Variants in TNRC6C observed in about 807,000 individuals in gnomAD.
TNRC6C encodes trinucleotide repeat containing adaptor 6C.
TNRC6C carries 20 observed loss-of-function variants against 153.7 expected under a neutral mutation model. The ratio of observed to expected loss-of-function variants is 0.13; its 90% CI spans 0.09 to 0.19. The LOEUF is 0.19. Ranked by LOEUF, TNRC6C falls within the 10% of genes least tolerant of loss-of-function variation. The probability of loss-of-function intolerance (pLI) is 1.00; values close to 1 mark genes in which losing one functional copy is unlikely to be tolerated. For synonymous variants in TNRC6C, 811 were observed against 841.4 expected (o/e 0.96, Z 0.63); for missense variants, 1,987 against 2,172.0 (o/e 0.91, Z 1.69).
intron 16 of TNRC6C, 67 bp downstream of exon 19, chr17:78,097,928 GC>G: frequency 1.6e-6 from 2 of 1,281,308 alleles, no homozygotes; most frequent in Non-Finnish European, 2.1e-6. Flanking sequence ...ACTTTGACAG[GC>G]CCCAGCTTTT....
rs565235835 is a variant in TNRC6C at position 78,097,846 on chromosome 17, G to A, written c.4307-497G>A. 9.4e-5 allele frequency: 145 copies of A among 1,547,454 alleles called. 1 individual carries two copies. The South Asian group carries it at 1.2e-3, about 13-fold the overall frequency. On this transcript the variant is annotated intron_variant, in intron 16 of 19. Coordinates refer to ENST00000301624, the Ensembl canonical transcript of TNRC6C. ...TAGCTCTTTCAGCAGCATTGCATCC[G>A]CACCTAGTGTTGCAGGTACGCGCCT...
chr17:78,025,651 A>T (rs916961022), intron 1 of TNRC6C, among the ~76,000 whole-genome samples: 4 of 151,956 alleles, frequency 2.6e-5, no homozygotes, highest in Admixed American at 2.6e-4. Flanking sequence ...TTATCAGGAA[A>T]ATATATATAT....
At chr17:78,067,968 G>T in intron 5 of TNRC6C, 45 bp downstream of exon 7, 3 of 1,553,298 alleles carry the variant, frequency 1.9e-6, no homozygotes, top group Non-Finnish European at 2.6e-6. Flanking sequence ...AAAACCAAAG[G>T]TACTTCAGAC....
At chr17:77,989,371 A>G (rs2071217228) in intron 1 of TNRC6C, among the ~76,000 whole-genome samples, 1 of 152,224 alleles carries the variant, frequency 6.6e-6, no homozygotes, top group Admixed American at 6.5e-5. Context: ...TTTTACATGT[A>G]TAGAATTTTT....
intron 1 of TNRC6C, among the ~76,000 whole-genome samples, chr17:77,978,239 A>G (rs2071030070): frequency 6.6e-6 from 1 of 152,288 alleles, no homozygotes; most frequent in East Asian, 1.9e-4. Context: ...ATGCAACAGC[A>G]TATTAAAACA....
At chr17:77,990,405 C>T (rs948291919) in intron 1 of TNRC6C, among the ~76,000 whole-genome samples, 1 of 152,202 alleles carries the variant, frequency 6.6e-6, no homozygotes, top group Non-Finnish European at 1.5e-5. Flanking sequence ...TAACCTAAGT[C>T]TTCCCCACCA....
chr17:77,998,340 C>T (rs1313344289), intron 1 of TNRC6C, among the ~76,000 whole-genome samples: 1 of 152,156 alleles, frequency 6.6e-6, no homozygotes, highest in Non-Finnish European at 1.5e-5. Flanking sequence ...GTTTGGTATT[C>T]ACAGAGCTTT....
At position 78,104,861 on chromosome 17, in the gene TNRC6C, G is replaced by C; in HGVS notation, c.*16G>C. 2 of 1,412,482 alleles carry C rather than the reference G, an allele frequency of 1.4e-6. No individual in the cohort carries two copies. The highest frequency in any genetic ancestry group is 1.8e-6 in the Non-Finnish European group (2 of 1,087,566). The allele number at this position is 1,412,482 out of a possible 1,614,324, so 87.5% of individuals were successfully genotyped here. A position where few individuals can be genotyped will look rare whatever the true frequency, so the allele number is the denominator to read the frequency against. ...GTCCCTGTAGGCTCTGCCATCATCA[G>C]CACCAGGAGAGCCGACCCCTCCCGG... On this transcript the variant is annotated 3_prime_UTR_variant, in exon 20 of 20. Coordinates refer to ENST00000301624, the Ensembl canonical transcript of TNRC6C. This position sits in a 1 kb window ranked among gnomAD's most constrained non-coding sequence, Gnocchi z 6.2.
chr17:78,005,838 A>T (rs1364431142), intron 1 of TNRC6C, among the ~76,000 whole-genome samples: 2 of 152,186 alleles, frequency 1.3e-5, no homozygotes, highest in Non-Finnish European at 2.9e-5. Context: ...CAAAGACTTA[A>T]TACGATTATT....
intron 1 of TNRC6C, among the ~76,000 whole-genome samples, chr17:77,977,505 A>G (rs1004272938): frequency 1.9e-4 from 29 of 152,220 alleles, no homozygotes; most frequent in Non-Finnish European, 3.7e-4. Context: ...CAAAAAGACA[A>G]CTTTTTAGTT....
intron 1 of TNRC6C, among the ~76,000 whole-genome samples, chr17:78,010,961 G>T (rs576347668): frequency 2.0e-5 from 3 of 152,224 alleles, no homozygotes; most frequent in Non-Finnish European, 4.4e-5. Flanking sequence ...GAAGCGGGGC[G>T]CTGTGCTCCG....
rs116319099 is a variant in TNRC6C, at chr17:78,036,280, C to T, written c.-219+4438C>T. Among the ~76,000 whole-genome samples the T allele has an allele frequency of 3.9e-3, 596 of 152,242 alleles. 7 individuals carry two copies. The highest frequency in any genetic ancestry group is 0.014 in the African/African-American group (569 of 41,532). On this transcript the variant is annotated intron_variant, in intron 2 of 19. Transcript: ENST00000301624. ...CGAAAACTAAAGAAAGTGAAGTATT[C>T]GTGGAAGGAATTGACGGAGTTTGAG... is the stretch of plus-strand genomic sequence containing the variant.
chr17:78,054,457 T>C (rs67793638), intron 3 of TNRC6C, among the ~76,000 whole-genome samples: 23,099 of 149,174 alleles, frequency 0.15, 2,027 homozygotes, highest in African/African-American at 0.25. Flanking sequence ...GACTACTGTA[T>C]ACTACTGCAG....
chr17:78,004,683 G>A (rs1417875550), upstream of TNRC6C, among the ~76,000 whole-genome samples: 1 of 152,008 alleles, frequency 6.6e-6, no homozygotes, highest in African/African-American at 2.4e-5. Context: ...AAAAATAAAA[G>A]CCCTACTGTA....
chr17:78,036,574 AT>A (rs1165905024), intron 2 of TNRC6C, among the ~76,000 whole-genome samples: 1 of 152,186 alleles, frequency 6.6e-6, no homozygotes, highest in African/African-American at 2.4e-5. Context: ...GTAAGAATAG[AT>A]AAAATGTATA....
intron 1 of TNRC6C, among the ~76,000 whole-genome samples, chr17:77,985,227 G>T (rs1441195791): frequency 6.6e-6 from 1 of 152,072 alleles, no homozygotes; most frequent in Non-Finnish European, 1.5e-5. Context: ...TTGTTTCCTT[G>T]CTAGCTGTCA....
rs2073059849 is a variant in TNRC6C, at chr17:78,075,008, C to A, written c.2918-128C>A. ...CTAGCAAAGCAAGGGCTCTCTCTGCCCCTGGCTTCCCTGTGTTTGAAGGGG... is the reference window on the plus strand; with the variant it reads ...CTAGCAAAGCAAGGGCTCTCTCTGCACCTGGCTTCCCTGTGTTTGAAGGGG... On this transcript the variant is annotated intron_variant, in intron 7 of 19. Transcript: ENST00000301624. The surrounding 1 kb of genome is among the most constrained non-coding windows in gnomAD (Gnocchi z 4.2). The A allele has an allele frequency of 8.2e-7, 1 of 1,226,574 alleles. No homozygotes were observed. Among genetic ancestry groups the A allele is most frequent in the Non-Finnish European group, 1.1e-6 (1 of 889,674 alleles). 76.0% of individuals were successfully genotyped at this position (1,226,574 alleles called of 1,614,324 possible). A position where few individuals can be genotyped will look rare whatever the true frequency, so the allele number is the denominator to read the frequency against.
chr17:78,060,436 A>G (rs1598744643), intron 3 of TNRC6C, among the ~76,000 whole-genome samples: 1 of 151,094 alleles, frequency 6.6e-6, no homozygotes, highest in Non-Finnish European at 1.5e-5. Flanking sequence ...CACTCAATAA[A>G]TGCCTGATCG....
chr17:78,086,060 C>T (rs1385798589), intron 11 of TNRC6C, among the ~76,000 whole-genome samples: 3 of 151,714 alleles, frequency 2.0e-5, no homozygotes, highest in Non-Finnish European at 2.9e-5. Context: ...GGCTGGGCGC[C>T]GTGGCTCATG....
Sources: gnomAD v4.1 joint callset for allele counts (sites outside exome capture counted in the v4.1 genomes callset) on GRCh38, gnomAD v4.1.1 for gene constraint, Gnocchi (gnomAD v3.1) non-coding constraint, MANE v1.5 for transcripts, NCBI Gene and HGNC (gene_info 2026-07-23, HGNC 2026-07-21) for gene names.